Variants in FKTN observed in about 807,000 individuals in gnomAD.
FKTN encodes the protein ribitol-5-phosphate transferase FKTN.
FKTN carries 47 observed loss-of-function variants against 58.6 expected under a neutral mutation model. That is an observed-to-expected ratio of 0.80 (90% confidence interval 0.63 to 1.02). FKTN has a LOEUF of 1.02. FKTN is among the 50% of genes least tolerant of loss of function. The pLI is 0.00. For synonymous variants in FKTN, 178 were observed against 191.9 expected, an observed-to-expected ratio of 0.93 and a Z score of 0.60; for missense variants, 516 against 537.3, an observed-to-expected ratio of 0.96 and a Z score of 0.39.
chr9:105,565,650 A>AGGT (rs1399858858), intron 1 of FKTN, among the ~76,000 whole-genome samples: 1 of 152,122 alleles, frequency 6.6e-6, no homozygotes, highest in African/African-American at 2.4e-5. Flanking sequence ...TTCATAAAGC[A>AGGT]AGTCCTGTGT....
At chr9:105,581,665 C>T (rs1389906400) in intron 3 of FKTN, among the ~76,000 whole-genome samples, 2 of 152,216 alleles carry the variant, frequency 1.3e-5, no homozygotes, top group African/African-American at 4.8e-5. Context: ...CAGAGGCAGG[C>T]AGGCCTCCTT....
intron 3 of FKTN, among the ~76,000 whole-genome samples, chr9:105,584,457 T>A (rs1258526010): frequency 6.6e-6 from 1 of 152,088 alleles, no homozygotes; most frequent in Non-Finnish European, 1.5e-5. Flanking sequence ...GTTTTTTATG[T>A]TTACTTTTGA....
chr9:105,638,490 T>G lies in FKTN; in HGVS notation c.*3226T>G, dbSNP rs930062088. ...TCTCTAAGCTCAAGATGCATCCCAT[T>G]GCCACTTTACCATTCTATTTCCCAA... On this transcript the variant is annotated 3_prime_UTR_variant, in exon 11 of 11. Transcript: ENST00000357998. The G allele has an allele frequency of 8.1e-5, 80 of 985,262 alleles. No individual in the cohort carries two copies. Among genetic ancestry groups the G allele is most frequent in the Non-Finnish European group, 8.7e-5 (72 of 829,924 alleles). 61.0% of individuals were successfully genotyped at this position (985,262 alleles called of 1,614,324 possible).
chr9:105,569,054 T>C (rs1404227390), intron 1 of FKTN, among the ~76,000 whole-genome samples: 3 of 151,924 alleles, frequency 2.0e-5, no homozygotes, highest in African/African-American at 4.8e-5. Context: ...AAACCAAACA[T>C]CGCATGTTCT....
Position 105,635,242 on chromosome 9 carries a change from A to G in FKTN, c.1364A>G (p.Asp455Gly). 6.2e-7 allele frequency: 1 copy of G among 1,614,136 alleles called. No homozygotes were observed. The highest frequency in any genetic ancestry group is 8.5e-7 in the Non-Finnish European group (1 of 1,179,962). The change falls in exon 11 of 11, where the codon GAT becomes GGT. Residue 455 changes from aspartate to glycine, a missense_variant. Asp to Gly is a moderately conservative substitution (Grantham distance 94). Transcript: ENST00000357998. ...GGAATCTGGCCTATTTCTGAGTGGG[A>G]TGAGGTTATCCAGTTATATTGAGAT... ...PNGIWPISEWDEVIQLY is the reference protein window; with the variant it reads ...PNGIWPISEWGEVIQLY
intron 1 of FKTN, among the ~76,000 whole-genome samples, chr9:105,568,455 A>T (rs907051253): frequency 6.6e-6 from 1 of 151,800 alleles, no homozygotes; most frequent in Non-Finnish European, 1.5e-5. Context: ...AGAAAAAAAC[A>T]ACCCCATCAA....
At chr9:105,633,938 C>A (rs1375374422) in intron 10 of FKTN, among the ~76,000 whole-genome samples, 2 of 152,076 alleles carry the variant, frequency 1.3e-5, no homozygotes, top group East Asian at 1.9e-4. Context: ...TCTGCTATTG[C>A]CACTTTAAAC....
chr9:105,570,576 ACTCT>A (rs1440553005), intron 1 of FKTN, among the ~76,000 whole-genome samples: 2 of 151,798 alleles, frequency 1.3e-5, no homozygotes, highest in South Asian at 2.1e-4. Flanking sequence ...CAGGTACATC[ACTCT>A]CTCCACCACT....
intron 10 of FKTN, among the ~76,000 whole-genome samples, chr9:105,631,068 G>C (rs988288703): frequency 3.3e-5 from 5 of 152,164 alleles, no homozygotes; most frequent in African/African-American, 1.2e-4. Flanking sequence ...GAGAGGTGGA[G>C]GTTGCAGTGA....
At position 105,635,849 on chromosome 9, in the gene FKTN, T is replaced by G. The variant is rs1168223936; in HGVS notation, c.*585T>G. 2 of 994,668 alleles carry G rather than the reference T, an allele frequency of 2.0e-6. No individual in the cohort carries two copies. Among genetic ancestry groups the G allele is most frequent in the African/African-American group, 3.5e-5 (2 of 57,282 alleles). 61.6% of individuals were successfully genotyped at this position (994,668 alleles called of 1,614,324 possible). A position where few individuals can be genotyped will look rare whatever the true frequency, so the allele number is the denominator to read the frequency against. ...AATTAGAGAACAAGGCATTATTCTT[T>G]TAGGGAAGGTGAGAGCTTATTTGTA... On this transcript the variant is annotated 3_prime_UTR_variant, in exon 11 of 11. Transcript: ENST00000357998.
chr9:105,601,193 G>T lies in FKTN; in HGVS notation c.214G>T (p.Val72Leu). ...GTTAACATCCAACCAAAATGTACCA[G>T]TGTTTCTTATTGATCCTTTGATACT... ...IMLTSNQNVP[V>L]FLIDPLILEL... The change falls in exon 5 of 11, where the codon GTG (valine) becomes TTG (leucine). Residue 72 changes from valine (V) to leucine (L), a missense_variant. Val to Leu is a conservative substitution (Grantham distance 32, BLOSUM62 1). Coordinates refer to ENST00000357998, the MANE Select transcript of FKTN (RefSeq NM_001079802.2). 6.2e-7 allele frequency: 1 copy of T among 1,611,426 alleles called. No homozygotes were observed. Among genetic ancestry groups the T allele is most frequent in the Non-Finnish European group, 8.5e-7 (1 of 1,177,938 alleles).
At position 105,618,011 on chromosome 9, in the gene FKTN, A is replaced by G; in HGVS notation, c.963A>G (p.Gly321=). The G allele has an allele frequency of 6.3e-7, 1 of 1,595,382 alleles. No homozygotes were observed. Among genetic ancestry groups the G allele is most frequent in the Non-Finnish European group, 8.6e-7 (1 of 1,162,854 alleles). ...CTTATAGCAAAGATGTTGACCTAGGAATTTTTATACAAGATTACAAATCTG... is the reference window on the plus strand; with the variant it reads ...CTTATAGCAAAGATGTTGACCTAGGGATTTTTATACAAGATTACAAATCTG... The part of the protein sequence containing the change: ...IIPYSKDVDL[G]IFIQDYKSDI... Residue 321 remains glycine (G), a synonymous_variant, in exon 9 of 11, where the codon GGA becomes GGG. Coordinates refer to ENST00000357998, the MANE Select transcript of FKTN (RefSeq NM_001079802.2).
At chr9:105,602,623 T>A (rs963061507) in intron 5 of FKTN, among the ~76,000 whole-genome samples, 1 of 152,248 alleles carries the variant, frequency 6.6e-6, no homozygotes, top group Admixed American at 6.5e-5. Context: ...TGGTGCAATC[T>A]CTGTTCACTG....
intron 4 of FKTN, 72 bp from the exon 5 acceptor site, chr9:105,601,072 GA>G (rs1390855828): frequency 4.7e-6 from 4 of 849,932 alleles, no homozygotes; most frequent in Non-Finnish European, 7.8e-6. Context: ...TACAATTAAT[GA>G]ATTAAAATGT....
At chr9:105,566,427 A>C (rs1377767266) in intron 1 of FKTN, among the ~76,000 whole-genome samples, 1 of 152,164 alleles carries the variant, frequency 6.6e-6, no homozygotes, top group African/African-American at 2.4e-5. Context: ...AAGAAAAGAG[A>C]GAAGAATGAA....
At chr9:105,588,372 C>G (rs1169441314) in intron 3 of FKTN, among the ~76,000 whole-genome samples, 1 of 152,070 alleles carries the variant, frequency 6.6e-6, no homozygotes, top group East Asian at 1.9e-4. Flanking sequence ...TTTTTTTTAA[C>G]CAGTTGACTT....
intron 3 of FKTN, among the ~76,000 whole-genome samples, chr9:105,588,072 A>G (rs1005323508): frequency 1.3e-5 from 2 of 152,234 alleles, no homozygotes; most frequent in Non-Finnish European, 2.9e-5. Context: ...TATGAGCATA[A>G]TTAATGATCA....
At chr9:105,626,730 A>G (rs1250864269) in intron 10 of FKTN, among the ~76,000 whole-genome samples, 1 of 152,122 alleles carries the variant, frequency 6.6e-6, no homozygotes, top group Non-Finnish European at 1.5e-5. Flanking sequence ...ATTGCCCCAC[A>G]TTTTTACCAA....
intron 3 of FKTN, among the ~76,000 whole-genome samples, chr9:105,581,015 C>T (rs1842775880): frequency 7.1e-6 from 1 of 141,572 alleles, no homozygotes; most frequent in South Asian, 2.3e-4. Flanking sequence ...TTTTCAGCTC[C>T]ATCAGCTCCT....
Sources: gnomAD v4.1 joint callset for allele counts (sites outside exome capture counted in the v4.1 genomes callset) on GRCh38, gnomAD v4.1.1 for gene constraint, MANE v1.5 for transcripts, NCBI Gene and HGNC (gene_info 2026-07-23, HGNC 2026-07-21) for gene names.